Variants in GNG12 observed in about 807,000 individuals in gnomAD.
The protein encoded by GNG12 is guanine nucleotide-binding protein G(I)/G(S)/G(O) subunit gamma-12.
For synonymous variants in GNG12, 28 were observed against 29.7 expected (o/e 0.94, Z 0.19); for missense variants, 69 against 83.8 (o/e 0.82, Z 0.69).
chr1:67,704,825 A>G lies in GNG12; in HGVS notation c.*626T>C, dbSNP rs1000073412. The stretch of plus-strand genomic sequence containing the variant: ...TTACAATGAATACAATCTTTAGGAT[A>G]CTCTTTACTTTTTGTACAATAACGA... On this transcript the variant is annotated 3_prime_UTR_variant, in exon 4 of 4. Coordinates refer to ENST00000370982, the MANE Select transcript of GNG12 (RefSeq NM_018841.6). 6.6e-6 allele frequency: 1 copy of G among 152,408 alleles called. No individual in the cohort carries two copies. The highest frequency in any genetic ancestry group is 1.5e-5 in the Non-Finnish European group (1 of 68,042). 9.4% of individuals were successfully genotyped at this position (152,408 alleles called of 1,614,324 possible). A position where few individuals can be genotyped will look rare whatever the true frequency, so the allele number is the denominator to read the frequency against.
At chr1:67,762,063 A>G (rs1646608762) in intron 2 of GNG12, among the ~76,000 whole-genome samples, 1 of 152,164 alleles carries the variant, frequency 6.6e-6, no homozygotes, top group Non-Finnish European at 1.5e-5. Context: ...AACATACATT[A>G]GATATGCTGC....
chr1:67,710,390 T>C (rs1378885609), intron 2 of GNG12, among the ~76,000 whole-genome samples: 1 of 150,744 alleles, frequency 6.6e-6, no homozygotes, highest in African/African-American at 2.4e-5. Flanking sequence ...TTTCTAAATG[T>C]TCCCTTTGCA....
rs1646242675 is a variant in GNG12, at chr1:67,705,585, G to A, written c.94-9C>T. The A allele has an allele frequency of 1.3e-6, 2 of 1,596,774 alleles. No individual in the cohort carries two copies. Among genetic ancestry groups the A allele is most frequent in the African/African-American group, 2.7e-5 (2 of 73,898 alleles). The stretch of plus-strand genomic sequence containing the variant: ...GCTGATGCCTTCGAAACCTGACATG[G>A]AGATAAATCAAACAAACAAGAAAGA... On this transcript the variant is annotated splice_polypyrimidine_tract_variant and intron_variant, in intron 3 of 3. Transcript: ENST00000370982.
intron 2 of GNG12, among the ~76,000 whole-genome samples, chr1:67,713,625 C>A (rs1366639232): frequency 2.0e-5 from 3 of 151,896 alleles, no homozygotes; most frequent in Non-Finnish European, 4.4e-5. Context: ...CATGAGCAAA[C>A]ACACCCATGT....
At position 67,703,806 on chromosome 1, in the gene GNG12, C is replaced by A. The variant is rs941457508; in HGVS notation, c.*1645G>T. 2 of 152,148 alleles carry A rather than the reference C, an allele frequency of 1.3e-5. No homozygotes were observed. Among genetic ancestry groups the A allele is most frequent in the African/African-American group, 4.8e-5 (2 of 41,420 alleles). The allele number at this position is 152,148 out of a possible 1,614,324, so 9.4% of individuals were successfully genotyped here. On this transcript the variant is annotated 3_prime_UTR_variant, in exon 4 of 4. Transcript: ENST00000370982. ...TGAAAACAGTAATGCATTTGTCCACCCTAAATGAGCTAATACTCAAAGCCC... is the reference window on the plus strand; with the variant it reads ...TGAAAACAGTAATGCATTTGTCCACACTAAATGAGCTAATACTCAAAGCCC...
At chr1:67,787,446 G>A (rs980395612) in intron 1 of GNG12, among the ~76,000 whole-genome samples, 1 of 152,136 alleles carries the variant, frequency 6.6e-6, no homozygotes, top group Non-Finnish European at 1.5e-5. Flanking sequence ...GAGTTCTCAA[G>A]TGGAGTCCTT....
At chr1:67,802,131 T>G (rs1179651767) in intron 1 of GNG12, among the ~76,000 whole-genome samples, 1 of 152,094 alleles carries the variant, frequency 6.6e-6, no homozygotes, top group African/African-American at 2.4e-5. Context: ...ATTTCATGAT[T>G]TCAAGCCTGG....
intron 2 of GNG12, among the ~76,000 whole-genome samples, chr1:67,742,893 G>A (rs1269973110): frequency 1.1e-4 from 17 of 151,404 alleles, no homozygotes; most frequent in Non-Finnish European, 2.2e-4. Flanking sequence ...ATTGACACAA[G>A]GATAAGTTAA....
intron 2 of GNG12, among the ~76,000 whole-genome samples, chr1:67,713,762 G>A (rs1646309600): frequency 6.6e-6 from 1 of 152,170 alleles, no homozygotes; most frequent in Non-Finnish European, 1.5e-5. Context: ...TGTAAAAGAG[G>A]GACTACAATG....
chr1:67,701,747 A>G lies in GNG12; in HGVS notation c.*3704T>C, dbSNP rs1008598745. 1 of 152,690 alleles carries G rather than the reference A, an allele frequency of 6.5e-6. No homozygotes were observed. Among genetic ancestry groups the G allele is most frequent in the African/African-American group, 2.4e-5 (1 of 41,474 alleles). The allele number at this position is 152,690 out of a possible 1,614,324, so 9.5% of individuals were successfully genotyped here. Reference sequence around the variant, plus strand: ...TGATATATCAAATGCAAATTTACTAAGACATCAAGAGAATATCTGTTTGTA... The same window carrying G: ...TGATATATCAAATGCAAATTTACTAGGACATCAAGAGAATATCTGTTTGTA... On this transcript the variant is annotated 3_prime_UTR_variant, in exon 4 of 4. Coordinates refer to ENST00000370982, the MANE Select transcript of GNG12 (RefSeq NM_018841.6).
At chr1:67,717,770 T>C (rs1250319086) in intron 2 of GNG12, among the ~76,000 whole-genome samples, 2 of 152,192 alleles carry the variant, frequency 1.3e-5, no homozygotes, top group Admixed American at 6.5e-5. Context: ...TCCAGTGATA[T>C]TCCTTTGGTA....
chr1:67,763,120 A>AGAGAGAGAGAGAGAG (rs1553157312), intron 2 of GNG12, among the ~76,000 whole-genome samples: 51 of 151,216 alleles, frequency 3.4e-4, no homozygotes, highest in South Asian at 6.3e-4. Flanking sequence ...AGAGAGAGAG[A>AGAGAGAGAGAGAGAG]ATCAATATGA....
At chr1:67,820,728 A>C (rs1394328849) in intron 1 of GNG12, among the ~76,000 whole-genome samples, 1 of 152,212 alleles carries the variant, frequency 6.6e-6, no homozygotes, top group Non-Finnish European at 1.5e-5. Flanking sequence ...CCTCACTTGT[A>C]AATGGAGCCA....
chr1:67,755,550 C>A (rs973821968), intron 2 of GNG12, among the ~76,000 whole-genome samples: 2 of 152,180 alleles, frequency 1.3e-5, no homozygotes, highest in African/African-American at 4.8e-5. Context: ...TAAGGTCTCA[C>A]AACCTGTAGA....
At chr1:67,790,629 A>C (rs1294153440) in intron 1 of GNG12, among the ~76,000 whole-genome samples, 2 of 97,488 alleles carry the variant, frequency 2.1e-5, no homozygotes, top group African/African-American at 4.0e-5. Context: ...TTTTTTTTTG[A>C]GATGGAATCT....
intron 1 of GNG12, among the ~76,000 whole-genome samples, chr1:67,778,273 T>A (rs1376629985): frequency 6.6e-6 from 1 of 152,088 alleles, no homozygotes; most frequent in African/African-American, 2.4e-5. Context: ...GATATTTTAC[T>A]TTTTTTAGAC....
At chr1:67,762,522 CAA>C (rs564639235) in intron 2 of GNG12, among the ~76,000 whole-genome samples, 204 of 152,144 alleles carry the variant, frequency 1.3e-3, no homozygotes, top group South Asian at 2.5e-3. Context: ...TAAAGAAAAA[CAA>C]GAGAAAAGTT....
At chr1:67,733,186 T>C (rs552565) in intron 2 of GNG12, among the ~76,000 whole-genome samples, 110,059 of 151,564 alleles carry the variant, frequency 0.73, 40,176 homozygotes, top group African/African-American at 0.81. Context: ...GGCAACAACA[T>C]GTATCACAAG....
chr1:67,760,222 G>A (rs540632141), intron 2 of GNG12, among the ~76,000 whole-genome samples: 16 of 152,182 alleles, frequency 1.1e-4, no homozygotes, highest in African/African-American at 3.9e-4. Flanking sequence ...GTACAGCTGT[G>A]GGCTCTAATC....
Sources: allele counts gnomAD v4.1 joint callset (sites outside exome capture counted in the v4.1 genomes callset), GRCh38; gene constraint gnomAD v4.1.1; transcripts MANE v1.5; gene names NCBI Gene and HGNC (gene_info 2026-07-23, HGNC 2026-07-21).